The following MKLN1 variants were observed in gnomAD, a reference collection of about 807,000 sequenced individuals.
MKLN1 encodes muskelin.
MKLN1 carries 18 observed loss-of-function variants against 99.0 expected under a neutral mutation model. That is an observed-to-expected ratio of 0.18 (90% CI 0.13 to 0.27). The LOEUF (loss-of-function observed/expected upper bound fraction) is 0.27, where lower values mean the gene tolerates loss of function less well. Ranked by LOEUF, MKLN1 falls within the 10% of genes least tolerant of loss-of-function variation. MKLN1 has a pLI of 1.00. For missense variants in MKLN1, 621 were observed against 875.9 expected (o/e 0.71, Z 3.67); for synonymous variants, 288 against 293.2 (o/e 0.98, Z 0.18).
At chr7:131,372,915 CTTCT>C (rs964355456) in intron 1 of MKLN1, among the ~76,000 whole-genome samples, 1 of 151,222 alleles carries the variant, frequency 6.6e-6, no homozygotes, top group African/African-American at 2.4e-5. Flanking sequence ...CCTTCCCTAC[CTTCT>C]TTCTTTTCTT....
rs1795999085 is a variant in MKLN1 at position 131,445,853 on chromosome 7, C to G, written c.1475C>G (p.Ser492Cys). ...LNDFFSYDVDSDHVDIISDGT... is the reference protein window; with the variant it reads ...LNDFFSYDVDCDHVDIISDGT... ...GATTTCTTTAGTTATGATGTGGACT[C>G]TGATCATGTAGACATAATATCAGAT... The change falls in exon 12 of 18, where the codon TCT becomes TGT. Residue 492 changes from serine (S) to cysteine (C), a missense_variant. By Grantham distance (112) the Ser-to-Cys change is moderately radical. Around this residue, in one of 8 missense-constraint regions of MKLN1, gnomAD observed 361 missense variants for 540.8 expected, o/e 0.67. Coordinates refer to ENST00000352689, the MANE Select transcript of MKLN1 (RefSeq NM_013255.5). The G allele has an allele frequency of 6.2e-7, 1 of 1,608,070 alleles. No homozygotes were observed. The highest frequency in any genetic ancestry group is 8.5e-7 in the Non-Finnish European group (1 of 1,176,164).
chr7:131,228,441 A>G (rs1042556150), intron 3 of MKLN1, among the ~76,000 whole-genome samples: 3 of 152,214 alleles, frequency 2.0e-5, no homozygotes, highest in Non-Finnish European at 4.4e-5. Flanking sequence ...ACATTTAAAA[A>G]ATAGCTCTTG....
At chr7:131,464,445 C>A in intron 14 of MKLN1, 37 bp downstream of exon 14, 3 of 1,238,924 alleles carry the variant, frequency 2.4e-6, no homozygotes, top group Non-Finnish European at 3.5e-6. Flanking sequence ...CTTTCCATGG[C>A]CTACTATCTG....
chr7:131,308,992 G>A (rs1798514094), intron 3 of MKLN1, among the ~76,000 whole-genome samples: 1 of 152,218 alleles, frequency 6.6e-6, no homozygotes, highest in South Asian at 2.1e-4. Context: ...TAGAGCTGGT[G>A]TGTCACCATA....
At chr7:131,348,803 A>T (rs1799633785) in intron 1 of MKLN1, among the ~76,000 whole-genome samples, 1 of 152,188 alleles carries the variant, frequency 6.6e-6, no homozygotes, top group Non-Finnish European at 1.5e-5. Flanking sequence ...GGAAAACATG[A>T]AAGAATTGAG....
At chr7:131,122,515 C>A (rs914688785) in intron 1 of MKLN1, among the ~76,000 whole-genome samples, 1 of 152,136 alleles carries the variant, frequency 6.6e-6, no homozygotes, top group African/African-American at 2.4e-5. Context: ...TGCTTTTCCT[C>A]GTCTATGACT....
chr7:131,205,222 C>G (rs771444184), intron 3 of MKLN1, among the ~76,000 whole-genome samples: 1 of 152,098 alleles, frequency 6.6e-6, no homozygotes, highest in Admixed American at 6.5e-5. Context: ...TGCAATGAAT[C>G]GGAGAAAACA....
chr7:131,114,750 A>T (rs1795248683), intron 1 of MKLN1, among the ~76,000 whole-genome samples: 1 of 152,170 alleles, frequency 6.6e-6, no homozygotes, highest in African/African-American at 2.4e-5. Context: ...GTTCGAGACC[A>T]GCCTGGCCAA....
At chr7:131,160,389 C>T (rs1796028830) in intron 2 of MKLN1, among the ~76,000 whole-genome samples, 2 of 151,652 alleles carry the variant, frequency 1.3e-5, no homozygotes, top group African/African-American at 4.8e-5. Flanking sequence ...TGTGTACAAG[C>T]TTTTGTGGAA....
intron 3 of MKLN1, among the ~76,000 whole-genome samples, chr7:131,297,007 G>A (rs1471367038): frequency 6.6e-6 from 1 of 152,036 alleles, no homozygotes; most frequent in African/African-American, 2.4e-5. Flanking sequence ...CCAAAGTGCT[G>A]GGATTACAGG....
chr7:131,419,863 A>G (rs1216681143), intron 8 of MKLN1, among the ~76,000 whole-genome samples: 1 of 152,200 alleles, frequency 6.6e-6, no homozygotes, highest in East Asian at 1.9e-4. Flanking sequence ...TTAGGACTTT[A>G]ACCTACATGC....
chr7:131,282,399 T>A (rs879329578), intron 3 of MKLN1, among the ~76,000 whole-genome samples: 9 of 151,068 alleles, frequency 6.0e-5, no homozygotes, highest in Non-Finnish European at 1.2e-4. Flanking sequence ...GTCTTTGTCC[T>A]GAAGAAGCTT....
chr7:131,158,852 G>T (rs1796006804), intron 2 of MKLN1, among the ~76,000 whole-genome samples: 1 of 152,140 alleles, frequency 6.6e-6, no homozygotes, highest in African/African-American at 2.4e-5. Flanking sequence ...GGGGTGCATT[G>T]TCTGTGCTAG....
At chr7:131,445,931 C>G in intron 12 of MKLN1, 28 bp downstream of exon 12, 1 of 1,515,644 alleles carries the variant, frequency 6.6e-7, no homozygotes, top group Middle Eastern at 1.8e-4. Context: ...TTTCTTCTCT[C>G]ATGTCTTAAC....
chr7:131,291,596 AT>A (rs1289041808), intron 3 of MKLN1, among the ~76,000 whole-genome samples: 12 of 148,512 alleles, frequency 8.1e-5, no homozygotes, highest in East Asian at 1.9e-4. Context: ...ATATATATAT[AT>A]ATATAATACA....
rs1460568469 is a variant in MKLN1, at chr7:131,488,194, CG to C, written c.*467del. On this transcript the variant is annotated 3_prime_UTR_variant, in exon 18 of 18. Coordinates refer to ENST00000352689, the MANE Select transcript of MKLN1 (RefSeq NM_013255.5). ...CACTTTGCCTCCCATCACACAACTGCGTGTAAATGGTGTCACTTGTTCACCT... is the reference window on the plus strand; with the variant it reads ...CACTTTGCCTCCCATCACACAACTGCTGTAAATGGTGTCACTTGTTCACCT... 2 of 151,978 alleles carry C rather than the reference CG, an allele frequency of 1.3e-5. No homozygotes were observed. The highest frequency in any genetic ancestry group is 2.9e-5 in the Non-Finnish European group (2 of 68,050). 9.4% of individuals were successfully genotyped at this position (151,978 alleles called of 1,614,324 possible). A position where few individuals can be genotyped will look rare whatever the true frequency, so the allele number is the denominator to read the frequency against.
intron 11 of MKLN1, among the ~76,000 whole-genome samples, chr7:131,444,157 C>A (rs1049238934): frequency 2.0e-5 from 3 of 151,996 alleles, no homozygotes; most frequent in African/African-American, 7.2e-5. Context: ...TGAGACGAGC[C>A]TGGCCAACAT....
chr7:131,347,220 T>C (rs1563304169), intron 1 of MKLN1, among the ~76,000 whole-genome samples: 1 of 152,208 alleles, frequency 6.6e-6, no homozygotes, highest in Non-Finnish European at 1.5e-5. Context: ...TTATCTGAGC[T>C]AAAGAAAGGC....
intron 3 of MKLN1, among the ~76,000 whole-genome samples, chr7:131,203,312 T>C (rs1796758275): frequency 6.6e-6 from 1 of 152,232 alleles, no homozygotes; most frequent in Non-Finnish European, 1.5e-5. Flanking sequence ...TTTTGTCATG[T>C]TAGAAGTAGA....
Sources: allele counts gnomAD v4.1 joint callset (sites outside exome capture counted in the v4.1 genomes callset), GRCh38; gene constraint gnomAD v4.1.1; regional missense constraint gnomAD v4.1.1; transcripts MANE v1.5; gene names NCBI Gene and HGNC (gene_info 2026-07-23, HGNC 2026-07-21).